SPATA17: variants seen among roughly 807,000 people sequenced by gnomAD.
The protein encoded by SPATA17 is spermatogenesis-associated protein 17.
In SPATA17, 53 loss-of-function variants were observed where a neutral mutation model predicts 62.2. That is an observed-to-expected ratio of 0.85 (90% CI 0.68 to 1.07). SPATA17 has a LOEUF of 1.07. Ranked by LOEUF, SPATA17 falls within the 50% of genes least tolerant of loss-of-function variation. The pLI, the probability that SPATA17 is intolerant of heterozygous loss-of-function variation, is 0.00. For missense variants in SPATA17, 466 were observed against 425.5 expected, an observed-to-expected ratio of 1.10 and a Z score of -0.84; for synonymous variants, 146 against 146.8, an observed-to-expected ratio of 0.99 and a Z score of 0.04.
At chr1:217,793,143 T>C (rs906846361) in intron 8 of SPATA17, among the ~76,000 whole-genome samples, 1 of 151,712 alleles carries the variant, frequency 6.6e-6, no homozygotes, top group African/African-American at 2.4e-5. Flanking sequence ...GGTGGTGGAA[T>C]AATCCCTCAG....
intron 9 of SPATA17, among the ~76,000 whole-genome samples, chr1:217,835,655 T>C (rs944499556): frequency 1.3e-5 from 2 of 152,108 alleles, no homozygotes; most frequent in Admixed American, 6.6e-5. Flanking sequence ...TAAATTATAA[T>C]AGACCTTCTC....
intron 9 of SPATA17, among the ~76,000 whole-genome samples, chr1:217,849,531 A>T (rs1675599126): frequency 6.6e-6 from 1 of 151,606 alleles, no homozygotes; most frequent in African/African-American, 2.4e-5. Flanking sequence ...AATATATATA[A>T]TTAAGAAATA....
intron 5 of SPATA17, among the ~76,000 whole-genome samples, chr1:217,683,993 A>G (rs926211947): frequency 6.6e-6 from 1 of 152,210 alleles, no homozygotes; most frequent in Non-Finnish European, 1.5e-5. Flanking sequence ...GAGATGCAAC[A>G]TTAAATACAA....
chr1:217,858,353 AT>A (rs1261031385), intron 9 of SPATA17, among the ~76,000 whole-genome samples: 2 of 152,198 alleles, frequency 1.3e-5, no homozygotes, highest in Non-Finnish European at 2.9e-5. Context: ...GACTTCTATT[AT>A]TTAAGGAATG....
intron 6 of SPATA17, among the ~76,000 whole-genome samples, chr1:217,760,571 C>A (rs1673148653): frequency 6.6e-6 from 1 of 152,172 alleles, no homozygotes; most frequent in Non-Finnish European, 1.5e-5. Flanking sequence ...CCCCCTGAGG[C>A]ATTCAACCAT....
intron 9 of SPATA17, among the ~76,000 whole-genome samples, chr1:217,824,997 A>G (rs540315940): frequency 6.6e-6 from 1 of 150,904 alleles, no homozygotes; most frequent in Non-Finnish European, 1.5e-5. Flanking sequence ...ATATAAATAC[A>G]TTTATATACA....
chr1:217,706,078 T>C (rs1298787169), intron 5 of SPATA17, among the ~76,000 whole-genome samples: 1 of 152,210 alleles, frequency 6.6e-6, no homozygotes, highest in Non-Finnish European at 1.5e-5. Flanking sequence ...GTGTCTGTTT[T>C]TGTAGCACTA....
intron 9 of SPATA17, among the ~76,000 whole-genome samples, chr1:217,847,245 TTTCA>T (rs1675550721): frequency 6.6e-6 from 1 of 152,044 alleles, no homozygotes; most frequent in African/African-American, 2.4e-5. Flanking sequence ...TGCAGTTGAC[TTTCA>T]TTCATAAAGT....
At chr1:217,826,803 A>G (rs901898244) in intron 9 of SPATA17, among the ~76,000 whole-genome samples, 1 of 152,102 alleles carries the variant, frequency 6.6e-6, no homozygotes, top group Admixed American at 6.6e-5. Context: ...TTTATGGTTC[A>G]AATTCCAGAT....
intron 9 of SPATA17, among the ~76,000 whole-genome samples, chr1:217,839,143 C>A (rs1675332385): frequency 6.6e-6 from 1 of 152,090 alleles, no homozygotes; most frequent in African/African-American, 2.4e-5. Flanking sequence ...TCAACCATAT[C>A]TTTCTTCTAA....
At chr1:217,779,367 T>C (rs895477538) in intron 7 of SPATA17, among the ~76,000 whole-genome samples, 2 of 151,930 alleles carry the variant, frequency 1.3e-5, no homozygotes, top group African/African-American at 4.8e-5. Flanking sequence ...TTCTTCGTTC[T>C]CTCTTTTTTA....
chr1:217,829,118 A>C (rs1675070124), intron 9 of SPATA17, among the ~76,000 whole-genome samples: 1 of 152,304 alleles, frequency 6.6e-6, no homozygotes, highest in South Asian at 2.1e-4. Flanking sequence ...AGATATTACC[A>C]CATTGTAAAG....
chr1:217,743,754 C>A (rs1242711242), intron 6 of SPATA17, among the ~76,000 whole-genome samples: 1 of 151,956 alleles, frequency 6.6e-6, no homozygotes, highest in Non-Finnish European at 1.5e-5. Context: ...AGATTACAGG[C>A]ATCCACCACC....
chr1:217,754,694 G>T (rs557588731), intron 6 of SPATA17, among the ~76,000 whole-genome samples: 1 of 152,132 alleles, frequency 6.6e-6, no homozygotes, highest in African/African-American at 2.4e-5. Flanking sequence ...CACTCTTTTA[G>T]ATTGAAAAAC....
chr1:217,861,267 C>A (rs1417158326), intron 9 of SPATA17, among the ~76,000 whole-genome samples: 1 of 151,602 alleles, frequency 6.6e-6, no homozygotes, highest in Non-Finnish European at 1.5e-5. Flanking sequence ...TCATTTATTC[C>A]TTCTCTTTAT....
intron 4 of SPATA17, among the ~76,000 whole-genome samples, chr1:217,677,809 A>G (rs1215434710): frequency 6.6e-6 from 1 of 152,178 alleles, no homozygotes; most frequent in Non-Finnish European, 1.5e-5. Flanking sequence ...TATTAAAGAG[A>G]GGAAACTGCA....
At chr1:217,736,263 A>G (rs1032460022) in intron 5 of SPATA17, among the ~76,000 whole-genome samples, 2 of 152,148 alleles carry the variant, frequency 1.3e-5, no homozygotes, top group Non-Finnish European at 2.9e-5. Flanking sequence ...AGTTCTTATC[A>G]TCATTCATAG....
chr1:217,661,422 C>T (rs915091649), intron 3 of SPATA17, among the ~76,000 whole-genome samples: 52 of 151,906 alleles, frequency 3.4e-4, no homozygotes, highest in African/African-American at 1.2e-3. Context: ...CTCCTATACC[C>T]AAATATTTAT....
intron 6 of SPATA17, among the ~76,000 whole-genome samples, chr1:217,749,286 A>G (rs897267374): frequency 1.3e-5 from 2 of 151,866 alleles, no homozygotes; most frequent in African/African-American, 4.8e-5. Context: ...CCTCTTTTGT[A>G]TTTCCATGAT....
Sources: allele counts gnomAD v4.1 joint callset (sites outside exome capture counted in the v4.1 genomes callset), GRCh38; gene constraint gnomAD v4.1.1; transcripts MANE v1.5; gene names NCBI Gene and HGNC (gene_info 2026-07-23, HGNC 2026-07-21).